Variants in TRPM3 observed in about 807,000 individuals in gnomAD.
The protein encoded by TRPM3 is long transient receptor potential channel 3.
In TRPM3, 77 loss-of-function variants were observed where a neutral mutation model predicts 181.2. The ratio of observed to expected loss-of-function variants is 0.42; its 90% CI spans 0.35 to 0.51. The LOEUF is 0.51. Ranked by LOEUF, TRPM3 falls within the 20% of genes least tolerant of loss-of-function variation. The pLI is 0.01. For synonymous variants in TRPM3, 745 were observed against 796.4 expected (o/e 0.94, Z 1.09); for missense variants, 1,759 against 2,196.7 (o/e 0.80, Z 3.98).
chr9:70,582,181 C>CGTGTGTGTGTGTGTGT, intron 22 of TRPM3, among the ~76,000 whole-genome samples: 1 of 149,266 alleles, frequency 6.7e-6, no homozygotes, highest in South Asian at 2.1e-4. Flanking sequence ...CCACCCTGTG[C>CGTGTGTGTGTGTGTGT]GTGTGTGTGT....
At chr9:71,333,166 C>G (rs2090329645) in intron 1 of TRPM3, among the ~76,000 whole-genome samples, 1 of 151,788 alleles carries the variant, frequency 6.6e-6, no homozygotes, top group Admixed American at 6.6e-5. Flanking sequence ...GTATGGAATC[C>G]CAGCAGGGAA....
At chr9:70,869,855 T>C (rs1398376737) in intron 1 of TRPM3, among the ~76,000 whole-genome samples, 1 of 152,054 alleles carries the variant, frequency 6.6e-6, no homozygotes, top group African/African-American at 2.4e-5. Context: ...CCAGCTGGTA[T>C]TCAGTCACAT....
rs1227250347 is a variant in TRPM3, at chr9:70,534,093, G to A, written c.*1860C>T. ...GCCAAATAGGAATCCAAAGATTTGG[G>A]GTCAAGATTTCTTTATCCCACTTCC... On this transcript the variant is annotated 3_prime_UTR_variant, in exon 26 of 26. Coordinates refer to ENST00000677713, the MANE Select transcript of TRPM3 (RefSeq NM_001366145.2). The A allele has an allele frequency of 1.3e-5, 2 of 152,066 alleles. No individual in the cohort carries two copies. Among genetic ancestry groups the A allele is most frequent in the Non-Finnish European group, 2.9e-5 (2 of 68,004 alleles). 9.4% of individuals were successfully genotyped at this position (152,066 alleles called of 1,614,324 possible).
intron 6 of TRPM3, among the ~76,000 whole-genome samples, chr9:70,799,403 T>A (rs2088220982): frequency 6.6e-6 from 1 of 152,240 alleles, no homozygotes; most frequent in Admixed American, 6.5e-5. Context: ...AATTGTTATT[T>A]GATTATCTGG....
At chr9:71,122,469 A>G (rs778688165), upstream of TRPM3, among the ~76,000 whole-genome samples, 2 of 152,158 alleles carry the variant, frequency 1.3e-5, no homozygotes, top group African/African-American at 2.4e-5. Context: ...GGAGCAGTTG[A>G]CCTGACAACT....
At chr9:71,388,210 A>T (rs1311256741) in intron 1 of TRPM3, among the ~76,000 whole-genome samples, 2 of 152,202 alleles carry the variant, frequency 1.3e-5, no homozygotes, top group Non-Finnish European at 2.9e-5. Flanking sequence ...TCATGTTTTT[A>T]TGTTTACAAT....
intron 9 of TRPM3, among the ~76,000 whole-genome samples, chr9:70,667,833 A>T (rs1347800846): frequency 3.9e-5 from 6 of 152,122 alleles, no homozygotes; most frequent in African/African-American, 9.7e-5. Flanking sequence ...GCCACACATC[A>T]CTTCTGATCA....
At chr9:70,853,984 A>T (rs2095314970) in intron 3 of TRPM3, among the ~76,000 whole-genome samples, 1 of 152,216 alleles carries the variant, frequency 6.6e-6, no homozygotes, top group Admixed American at 6.5e-5. Flanking sequence ...GCTCATAAAG[A>T]TCAGTTCCTT....
intron 17 of TRPM3, among the ~76,000 whole-genome samples, 175 bp from the exon 18 acceptor site, chr9:70,616,250 T>G (rs1307201027): frequency 6.6e-6 from 1 of 151,864 alleles, no homozygotes; most frequent in Non-Finnish European, 1.5e-5. Context: ...TCTGAGTAAC[T>G]AACATATTAA....
intron 1 of TRPM3, among the ~76,000 whole-genome samples, chr9:71,237,071 A>AT (rs1565371758): frequency 6.9e-6 from 1 of 145,690 alleles, no homozygotes; most frequent in Non-Finnish European, 1.5e-5. Flanking sequence ...GGGGGGGGGA[A>AT]AAAAAGAAAG....
At chr9:70,568,992 T>A (rs1365179960) in intron 22 of TRPM3, among the ~76,000 whole-genome samples, 2 of 152,224 alleles carry the variant, frequency 1.3e-5, no homozygotes, top group African/African-American at 4.8e-5. Flanking sequence ...AATGGAAAAC[T>A]TATCCCCATA....
chr9:71,153,913 G>A (rs2075860596), intron 1 of TRPM3, among the ~76,000 whole-genome samples: 1 of 152,080 alleles, frequency 6.6e-6, no homozygotes, highest in African/African-American at 2.4e-5. Context: ...GTCTAATTTA[G>A]GGTAATTCTT....
rs924862981 is a variant in TRPM3 at position 71,288,158 on chromosome 9, C to A, written c.183+158495G>T. ...TCCCCATTATTCCTTGCTCTAAACC[C>A]CGATATTAAATTTATATTAAATATA... On this transcript the variant is annotated intron_variant, in intron 1 of 24. Coordinates refer to the TRPM3 transcript ENST00000357533. Among the ~76,000 whole-genome samples, 4 of 151,218 alleles carry A rather than the reference C, an allele frequency of 2.6e-5. No homozygotes were observed. The South Asian group carries it at 8.3e-4, about 32-fold the overall frequency.
At chr9:71,339,569 A>C (rs934873115) in intron 1 of TRPM3, among the ~76,000 whole-genome samples, 3 of 152,146 alleles carry the variant, frequency 2.0e-5, no homozygotes, top group Non-Finnish European at 4.4e-5. Flanking sequence ...CTGCTGGGTC[A>C]AAGACACACT....
intron 1 of TRPM3, among the ~76,000 whole-genome samples, chr9:71,301,599 A>C (rs193279326): frequency 6.6e-6 from 1 of 152,268 alleles, no homozygotes; most frequent in African/African-American, 2.4e-5. Flanking sequence ...CTCTATGTAT[A>C]TCTTTTAAAG....
intron 1 of TRPM3, among the ~76,000 whole-genome samples, chr9:71,034,606 A>T (rs924549461): frequency 9.9e-5 from 15 of 151,888 alleles, no homozygotes; most frequent in African/African-American, 3.6e-4. Flanking sequence ...GGTTTCCTTG[A>T]GCTGGCTCGA....
intron 24 of TRPM3, 135 bp downstream of exon 24, chr9:70,552,709 C>T (rs1344271906): frequency 3.3e-6 from 3 of 897,562 alleles, no homozygotes; most frequent in Non-Finnish European, 5.5e-6. Flanking sequence ...CCCCAATGCT[C>T]TCCAAGCCTT....
intron 1 of TRPM3, among the ~76,000 whole-genome samples, chr9:71,356,990 G>A (rs1313170570): frequency 6.6e-6 from 1 of 152,160 alleles, no homozygotes; most frequent in East Asian, 1.9e-4. Flanking sequence ...AGAATGTCAT[G>A]TAACATGGCT....
At chr9:71,230,349 G>T (rs1292378828) in intron 1 of TRPM3, among the ~76,000 whole-genome samples, 1 of 151,404 alleles carries the variant, frequency 6.6e-6, no homozygotes, top group Non-Finnish European at 1.5e-5. Flanking sequence ...GCAGAAGTGG[G>T]GATGATTAAT....
Sources: allele counts gnomAD v4.1 joint callset (sites outside exome capture counted in the v4.1 genomes callset), GRCh38; gene constraint gnomAD v4.1.1; transcripts MANE v1.5; gene names NCBI Gene and HGNC (gene_info 2026-07-23, HGNC 2026-07-21).